MMS22L: variants seen among roughly 807,000 people sequenced by gnomAD.
MMS22L encodes the protein MMS22 like, DNA repair protein, also known as protein MMS22-like.
In MMS22L, 74 loss-of-function variants were observed where a neutral mutation model predicts 159.1. The ratio of observed to expected loss-of-function variants is 0.47; its 90% CI spans 0.39 to 0.56. The LOEUF is 0.56. Ranked by LOEUF, MMS22L falls within the 20% of genes least tolerant of loss-of-function variation. MMS22L has a pLI of 0.00. For missense variants in MMS22L, 1,351 were observed against 1,422.1 expected, an observed-to-expected ratio of 0.95 and a Z score of 0.80; for synonymous variants, 517 against 506.9, an observed-to-expected ratio of 1.02 and a Z score of -0.27.
At chr6:97,201,096 A>C (rs1807099988) in intron 14 of MMS22L, among the ~76,000 whole-genome samples, 1 of 152,120 alleles carries the variant, frequency 6.6e-6, no homozygotes, top group Non-Finnish European at 1.5e-5. Context: ...ACACAGAAAA[A>C]AATGTAACCA....
At chr6:97,191,515 T>C (rs1394494763) in intron 14 of MMS22L, among the ~76,000 whole-genome samples, 1 of 150,100 alleles carries the variant, frequency 6.7e-6, no homozygotes, top group Non-Finnish European at 1.5e-5. Flanking sequence ...ATATAATAAA[T>C]ATGACTGGTA....
intron 11 of MMS22L, among the ~76,000 whole-genome samples, chr6:97,238,572 C>CGTGTGTGTGTGTGTGTGTGT (rs71740630): frequency 1.6e-4 from 15 of 91,538 alleles, no homozygotes; most frequent in African/African-American, 4.7e-4. Context: ...TGTCTCATCT[C>CGTGTGTGTGTGTGTGTGTGT]GTGTGTGTGT....
At position 97,157,518 on chromosome 6, in the gene MMS22L, G is replaced by A. The variant is rs1801986169; in HGVS notation, c.3385+4484C>T. On this transcript the variant is annotated intron_variant, in intron 22 of 24. Transcript: ENST00000683635. ...ATCAATACCTAGTTTATTGAGAGTT[G>A]TTAGCATGAAGTACTGTTGAATTTT... Among the ~76,000 whole-genome samples, 4 of 152,048 alleles carry A rather than the reference G, an allele frequency of 2.6e-5. No individual in the cohort carries two copies. The South Asian group carries it at 8.3e-4, about 32-fold the overall frequency.
At chr6:97,174,264 A>T (rs1408725139) in intron 18 of MMS22L, among the ~76,000 whole-genome samples, 4 of 150,394 alleles carry the variant, frequency 2.7e-5, no homozygotes, top group African/African-American at 9.9e-5. Flanking sequence ...AAAAAATAAA[A>T]AAAAAAAAAA....
rs1028146652 is a variant in MMS22L, at chr6:97,278,871, C to T, written c.318G>A (p.Leu106=). 4 of 1,613,072 alleles carry T rather than the reference C, an allele frequency of 2.5e-6. No homozygotes were observed. The highest frequency in any genetic ancestry group is 3.4e-6 in the Non-Finnish European group (4 of 1,179,630). ...TACCAAAATCACAACTGGACTGTAA[C>T]AAGGTTTCCAAGTTGTACAGTTGTT... is the stretch of plus-strand genomic sequence containing the variant. ...FRQQLYNLET[L]LQSSCDFGKV... The change falls in exon 4 of 25, where the codon TTG becomes TTA. Residue 106 remains leucine, a synonymous_variant. Coordinates refer to ENST00000683635, the MANE Select transcript of MMS22L (RefSeq NM_001350599.2).
chr6:97,265,042 C>G (rs1032067564), intron 8 of MMS22L: 1 of 152,036 alleles, frequency 6.6e-6, no homozygotes. Flanking sequence ...ATAGAAAAAA[C>G]AATCCTAAAA....
At chr6:97,271,592 G>T (rs1037123343) in intron 6 of MMS22L, 1 of 151,992 alleles carries the variant, frequency 6.6e-6, no homozygotes, top group Non-Finnish European at 1.5e-5. Context: ...TTAGAACTTT[G>T]CTTTTATTAT....
rs1458792738 is a variant in MMS22L at position 97,142,811 on chromosome 6, A to G, written c.*3995T>C. 2.0e-5 allele frequency: 3 copies of G among 152,190 alleles called. No individual in the cohort carries two copies. In the East Asian group the frequency reaches 5.8e-4, roughly 29 times the overall value. The allele number at this position is 152,190 out of a possible 1,614,324, so 9.4% of individuals were successfully genotyped here. On this transcript the variant is annotated 3_prime_UTR_variant, in exon 25 of 25. Transcript: ENST00000683635. ...AGCAGGTCCGTGTAATTATTTAAGA[A>G]CAAGGTAGTTTAAAAAATGTGTTGT...
At chr6:97,273,640 C>T (rs1815975919) in intron 4 of MMS22L, among the ~76,000 whole-genome samples, 1 of 152,182 alleles carries the variant, frequency 6.6e-6, no homozygotes, top group African/African-American at 2.4e-5. Context: ...TCTTTCAAAA[C>T]CTGTTGATGC....
Position 97,281,087 on chromosome 6 carries a change from C to G in MMS22L, c.290+150G>C, listed in dbSNP as rs1474576979. Reference sequence around the variant, plus strand: ...AACCATTACTCATCAGGCATTGCTGCTTGATTATTGTTACTGGTAAGATAA... The same window carrying G: ...AACCATTACTCATCAGGCATTGCTGGTTGATTATTGTTACTGGTAAGATAA... On this transcript the variant is annotated intron_variant, in intron 3 of 24. Transcript: ENST00000683635. 8.8e-6 allele frequency: 6 copies of G among 684,564 alleles called. No individual in the cohort carries two copies. The African/African-American group carries it at 1.1e-4, about 12-fold the overall frequency. The allele number at this position is 684,564 out of a possible 1,614,324, so 42.4% of individuals were successfully genotyped here.
rs370632106 is a variant in MMS22L, at chr6:97,254,736, A to G, written c.943-3T>C. On this transcript the variant is annotated splice_region_variant and splice_polypyrimidine_tract_variant and intron_variant, in intron 9 of 24. Coordinates refer to ENST00000683635, the MANE Select transcript of MMS22L (RefSeq NM_001350599.2). ...TTATTCAACCAGTTCCAAAATGACT[A>G]TAGAAACAGAAGTAATTTGATTCCA... 9.5e-6 allele frequency: 15 copies of G among 1,583,792 alleles called. No homozygotes were observed. The highest frequency in any genetic ancestry group is 3.4e-4 in the Middle Eastern group (2 of 5,926).
intron 18 of MMS22L, among the ~76,000 whole-genome samples, chr6:97,177,284 C>T (rs1193800224): frequency 6.6e-6 from 1 of 152,106 alleles, no homozygotes; most frequent in Non-Finnish European, 1.5e-5. Context: ...GCTTTAAATT[C>T]TTTACCTACT....
chr6:97,185,394 G>A (rs2128279273), intron 15 of MMS22L, among the ~76,000 whole-genome samples: 1 of 152,166 alleles, frequency 6.6e-6, no homozygotes, highest in East Asian at 1.9e-4. Context: ...CAAAGCCAAA[G>A]TACACATATT....
At chr6:97,209,661 G>C (rs932692106) in intron 14 of MMS22L, among the ~76,000 whole-genome samples, 1 of 151,940 alleles carries the variant, frequency 6.6e-6, no homozygotes, top group African/African-American at 2.4e-5. Context: ...TAGTTATTAT[G>C]TCTCTATCGA....
chr6:97,198,919 TTGC>T lies in MMS22L; in HGVS notation c.2040-12232_2040-12230del, dbSNP rs576971696. Among the ~76,000 whole-genome samples, 15 of 152,276 alleles carry T rather than the reference TTGC, an allele frequency of 9.9e-5. No homozygotes were observed. In the East Asian group the frequency reaches 2.5e-3, roughly 25 times the overall value. On this transcript the variant is annotated intron_variant, in intron 14 of 24. Coordinates refer to ENST00000683635, the MANE Select transcript of MMS22L (RefSeq NM_001350599.2). ...CCTCTCAATAAACTTTATTCAGTTC[TTGC>T]TGCTTTCAAAAGTTTCATTTTAGTT...
At chr6:97,187,361 A>T (rs1468497426) in intron 14 of MMS22L, among the ~76,000 whole-genome samples, 1 of 152,190 alleles carries the variant, frequency 6.6e-6, no homozygotes, top group Admixed American at 6.5e-5. Context: ...ATATCTCTAG[A>T]CCTTAATAGA....
At chr6:97,167,596 G>A (rs1473623510) in intron 20 of MMS22L, among the ~76,000 whole-genome samples, 1 of 152,042 alleles carries the variant, frequency 6.6e-6, no homozygotes, top group Non-Finnish European at 1.5e-5. Context: ...TTCTTAGGAT[G>A]GAATATAAAG....
chr6:97,213,578 G>T (rs1331766045), intron 14 of MMS22L, among the ~76,000 whole-genome samples: 1 of 152,100 alleles, frequency 6.6e-6, no homozygotes, highest in Non-Finnish European at 1.5e-5. Context: ...TGCAGACGAA[G>T]GGTAGGGTTT....
At position 97,162,152 on chromosome 6, in the gene MMS22L, C is replaced by G. The variant is rs1018721094; in HGVS notation, c.3235G>C (p.Glu1079Gln). Residue 1079 changes from glutamate (E) to glutamine (Q), a missense_variant, in exon 22 of 25, where the codon GAG (glutamate) becomes CAG (glutamine). Transcript: ENST00000683635. ...IVQVIRKSYL[E>Q]YKGSSPPPRL... Reference sequence around the variant, plus strand: ...GGAGGAGGTGAGGACCCCTTATACTCAAGGTAGGATTTCCTGAAAAGAAGC... The same window carrying G: ...GGAGGAGGTGAGGACCCCTTATACTGAAGGTAGGATTTCCTGAAAAGAAGC... The G allele has an allele frequency of 1.3e-6, 2 of 1,596,856 alleles. No individual in the cohort carries two copies. The highest frequency in any genetic ancestry group is 3.7e-5 in the Admixed American group (2 of 54,756).
Sources: gnomAD v4.1 joint callset for allele counts (sites outside exome capture counted in the v4.1 genomes callset) on GRCh38, gnomAD v4.1.1 for gene constraint, MANE v1.5 for transcripts, NCBI Gene and HGNC (gene_info 2026-07-23, HGNC 2026-07-21) for gene names.